The following CD109 variants were observed in gnomAD, a reference collection of about 807,000 sequenced individuals.
The protein encoded by CD109 is CD109 antigen.
CD109 carries 149 observed loss-of-function variants against 165.8 expected under a neutral mutation model. The observed-to-expected ratio is 0.90, with a 90% confidence interval of 0.79 to 1.03. The LOEUF (loss-of-function observed/expected upper bound fraction) is 1.03. CD109 is among the 50% of genes least tolerant of loss of function. The pLI is 0.00. For synonymous variants in CD109, 585 were observed against 592.1 expected, an observed-to-expected ratio of 0.99 and a Z score of 0.18; for missense variants, 1,712 against 1,677.8, an observed-to-expected ratio of 1.02 and a Z score of -0.36.
rs1196142545 is a variant in CD109 at position 73,820,462 on chromosome 6, T to C, written c.4061T>C (p.Val1354Ala). ...HGKLNLYLDSVNETQFCVNIP... is the reference protein window; with the variant it reads ...HGKLNLYLDSANETQFCVNIP... Reference sequence around the variant, plus strand: ...TAAGACTCTTTTGTATTTCTCAAGGTAAATGAAACCCAGTTTTGTGTTAAT... The same window carrying C: ...TAAGACTCTTTTGTATTTCTCAAGGCAAATGAAACCCAGTTTTGTGTTAAT... Residue 1354 changes from valine (V) to alanine (A), a missense_variant and splice_region_variant, in exon 32 of 33, where the codon GTA (valine) becomes GCA (alanine). Transcript: ENST00000287097. 6.3e-7 allele frequency: 1 copy of C among 1,589,368 alleles called. No individual in the cohort carries two copies. The highest frequency in any genetic ancestry group is 8.6e-7 in the Non-Finnish European group (1 of 1,159,540).
intron 30 of CD109, among the ~76,000 whole-genome samples, chr6:73,817,717 A>G (rs1024683976): frequency 5.9e-5 from 9 of 152,176 alleles, no homozygotes; most frequent in Non-Finnish European, 1.2e-4. Context: ...TTCCAAGCAG[A>G]CAAAATGTTG....
chr6:73,808,168 T>A lies in CD109; in HGVS notation c.3275T>A (p.Ile1092Lys). Reference protein sequence around the residue: ...GISDNYTLALITYALSSVGSP... With the variant: ...GISDNYTLALKTYALSSVGSP... Reference sequence around the variant, plus strand: ...TCAGACAATTATACTCTAGCCCTTATAACTTATGCATTGTCATCAGTGGGG... The same window carrying A: ...TCAGACAATTATACTCTAGCCCTTAAAACTTATGCATTGTCATCAGTGGGG... Residue 1092 changes from isoleucine to lysine, a missense_variant, in exon 26 of 33, where the codon ATA becomes AAA. By Grantham distance (102) the Ile-to-Lys change is moderately radical. Transcript: ENST00000287097. 6.2e-7 allele frequency: 1 copy of A among 1,613,632 alleles called. No homozygotes were observed. The highest frequency in any genetic ancestry group is 8.5e-7 in the Non-Finnish European group (1 of 1,179,670).
intron 4 of CD109, among the ~76,000 whole-genome samples, chr6:73,733,975 C>T (rs1772457033): frequency 6.6e-6 from 1 of 152,222 alleles, no homozygotes. Context: ...TGTGGGGCCA[C>T]TATTCCAGGA....
the CD109 span, among the ~76,000 whole-genome samples, chr6:73,684,578 G>C: frequency 6.6e-6 from 1 of 151,696 alleles, no homozygotes; most frequent in African/African-American, 2.4e-5. Flanking sequence ...ATATCTCTTT[G>C]GTATTGATTT....
At chr6:73,723,196 C>T in intron 2 of CD109, 55 bp from the exon 3 acceptor site, 1 of 1,609,850 alleles carries the variant, frequency 6.2e-7, no homozygotes, top group Non-Finnish European at 8.5e-7. Context: ...GGTTTGTATT[C>T]TATCATCATA....
upstream of CD109, chr6:73,694,243 T>C (rs1428609305): frequency 1.3e-5 from 2 of 152,212 alleles, no homozygotes; most frequent in African/African-American, 4.8e-5. Flanking sequence ...ACATTTTTCA[T>C]TAATCCTTTT....
At chr6:73,680,831 C>T in the CD109 span, among the ~76,000 whole-genome samples, 1 of 152,166 alleles carries the variant, frequency 6.6e-6, no homozygotes, top group Non-Finnish European at 1.5e-5. Context: ...CAAAGCACGG[C>T]GCCTGGGTTC....
intron 22 of CD109, among the ~76,000 whole-genome samples, chr6:73,789,079 C>T (rs947752874): frequency 1.3e-5 from 2 of 152,204 alleles, no homozygotes; most frequent in Non-Finnish European, 2.9e-5. Flanking sequence ...CATCTGGGTT[C>T]TACTCTAAAC....
At chr6:73,699,961 G>A (rs1469651557) in intron 2 of CD109, among the ~76,000 whole-genome samples, 1 of 152,208 alleles carries the variant, frequency 6.6e-6, no homozygotes, top group Non-Finnish European at 1.5e-5. Context: ...GGCTTCTCCA[G>A]TTGTAACAAT....
chr6:73,753,770 C>T (rs907243902), intron 5 of CD109, among the ~76,000 whole-genome samples: 2 of 152,134 alleles, frequency 1.3e-5, no homozygotes, highest in Non-Finnish European at 2.9e-5. Flanking sequence ...GGTCATTTGC[C>T]TCTTCAGGGT....
At position 73,811,078 on chromosome 6, in the gene CD109, G is replaced by T. The variant is rs1775741146; in HGVS notation, c.3633G>T (p.Gly1211=). 2 of 1,613,448 alleles carry T rather than the reference G, an allele frequency of 1.2e-6. No individual in the cohort carries two copies. The highest frequency in any genetic ancestry group is 1.7e-6 in the Non-Finnish European group (2 of 1,179,628). The change falls in exon 28 of 33, where the codon GGG becomes GGT. Residue 1211 remains glycine (G), a synonymous_variant. Transcript: ENST00000287097. ...ERTNIQVTVT[G]PSSPSPVKFL... ...CAAATATCCAAGTGACCGTGACGGG[G>T]CCTAGCTCACCAAGTCCTGTAAAGT...
chr6:73,741,250 T>G (rs1205107295), intron 5 of CD109, among the ~76,000 whole-genome samples: 1 of 152,198 alleles, frequency 6.6e-6, no homozygotes, highest in African/African-American at 2.4e-5. Flanking sequence ...ACACACATAT[T>G]CTAGTGTGAA....
At chr6:73,776,454 A>C (rs904319052) in intron 15 of CD109, among the ~76,000 whole-genome samples, 1 of 150,762 alleles carries the variant, frequency 6.6e-6, no homozygotes, top group African/African-American at 2.4e-5. Flanking sequence ...GGGTTTCACC[A>C]TATTGGCCTG....
the CD109 span, among the ~76,000 whole-genome samples, chr6:73,682,559 T>C: frequency 9.9e-5 from 15 of 152,222 alleles, no homozygotes; most frequent in Non-Finnish European, 2.1e-4. Flanking sequence ...CAGTGCAAGC[T>C]GTGGGTGGAT....
intron 24 of CD109, among the ~76,000 whole-genome samples, chr6:73,806,256 G>A (rs1426868885): frequency 2.6e-5 from 4 of 151,558 alleles, no homozygotes; most frequent in Non-Finnish European, 4.4e-5. Context: ...GCAAACTATC[G>A]CAAGGACAAA....
At chr6:73,696,478 T>C (rs1427810450) in intron 1 of CD109, among the ~76,000 whole-genome samples, 189 bp downstream of exon 1, 4 of 152,240 alleles carry the variant, frequency 2.6e-5, no homozygotes, top group Non-Finnish European at 4.4e-5. Context: ...TGGCTCTCCA[T>C]GGGACAGTTA....
chr6:73,680,288 C>T, the CD109 span, among the ~76,000 whole-genome samples: 69 of 152,242 alleles, frequency 4.5e-4, no homozygotes, highest in Middle Eastern at 3.4e-3. Context: ...CAGGCAAACA[C>T]ATTTTTGCAT....
chr6:73,777,856 A>G (rs1171335505), intron 15 of CD109, among the ~76,000 whole-genome samples: 1 of 152,178 alleles, frequency 6.6e-6, no homozygotes, highest in Admixed American at 6.5e-5. Flanking sequence ...TGATGCCTCC[A>G]GCTTTGTTCT....
chr6:73,780,737 ATG>A lies in CD109; in HGVS notation c.1902+241_1902+242del, dbSNP rs1774453175. On this transcript the variant is annotated intron_variant, in intron 16 of 32. Coordinates refer to ENST00000287097, the MANE Select transcript of CD109 (RefSeq NM_133493.5). ...ACATTAAACAAATAATTTTTCCTTTATGTATATGTATTTCCATATAAATATAT... is the reference window on the plus strand; with the variant it reads ...ACATTAAACAAATAATTTTTCCTTTATATATGTATTTCCATATAAATATAT... Among the ~76,000 whole-genome samples, 2 of 54,862 alleles carry A rather than the reference ATG, an allele frequency of 3.6e-5. 1 individual carries two copies. Among genetic ancestry groups the A allele is most frequent in the Non-Finnish European group, 7.2e-5 (2 of 27,924 alleles). 36.0% of individuals were successfully genotyped at this position (54,862 alleles called of 152,430 possible).
Sources: allele counts gnomAD v4.1 joint callset (sites outside exome capture counted in the v4.1 genomes callset), GRCh38; gene constraint gnomAD v4.1.1; transcripts MANE v1.5; gene names NCBI Gene and HGNC (gene_info 2026-07-23, HGNC 2026-07-21).